The following ADAM32 variants were observed in gnomAD, a reference collection of about 807,000 sequenced individuals.
The protein encoded by ADAM32 is ADAM metallopeptidase domain 32.
A neutral mutation model predicts 114.9 loss-of-function variants in ADAM32; 89 were observed. That is an observed-to-expected ratio of 0.77 (90% confidence interval 0.65 to 0.92). The LOEUF (loss-of-function observed/expected upper bound fraction) is 0.92, where lower values mean the gene tolerates loss of function less well. Among genes scored for constraint, ADAM32 ranks in the 40% least tolerant of loss-of-function variants. The pLI, the probability that ADAM32 is intolerant of heterozygous loss-of-function variation, is 0.00. For missense variants in ADAM32, 870 were observed against 932.8 expected, an observed-to-expected ratio of 0.93 and a Z score of 0.88; for synonymous variants, 285 against 307.5, an observed-to-expected ratio of 0.93 and a Z score of 0.77.
chr8:39,212,279 G>T (rs1459272549), intron 12 of ADAM32, among the ~76,000 whole-genome samples: 3 of 152,098 alleles, frequency 2.0e-5, no homozygotes, highest in African/African-American at 4.8e-5. Flanking sequence ...CTCCCAAAGT[G>T]CTGGGATTGC....
chr8:39,218,831 A>G (rs1286592916), intron 12 of ADAM32, among the ~76,000 whole-genome samples: 1 of 151,840 alleles, frequency 6.6e-6, no homozygotes, highest in Non-Finnish European at 1.5e-5. Context: ...GAATAAGGGA[A>G]CCCAAGAGCC....
At chr8:39,139,981 T>C (rs1585383683) in intron 3 of ADAM32, among the ~76,000 whole-genome samples, 1 of 152,180 alleles carries the variant, frequency 6.6e-6, no homozygotes, top group East Asian at 1.9e-4. Flanking sequence ...TGTTTGTCTA[T>C]CATTGGTATA....
At chr8:39,279,586 A>G (rs1813301294) in intron 22 of ADAM32, among the ~76,000 whole-genome samples, 1 of 152,114 alleles carries the variant, frequency 6.6e-6, no homozygotes, top group Admixed American at 6.5e-5. Context: ...CCGGACTAGC[A>G]TCCATGTTTC....
chr8:39,257,800 T>C (rs1811747488), intron 19 of ADAM32, among the ~76,000 whole-genome samples: 1 of 152,142 alleles, frequency 6.6e-6, no homozygotes, highest in Non-Finnish European at 1.5e-5. Flanking sequence ...TACATTTTTA[T>C]TTTTCAAGAA....
intron 14 of ADAM32, among the ~76,000 whole-genome samples, chr8:39,227,098 A>G (rs1809430325): frequency 6.6e-6 from 1 of 152,136 alleles, no homozygotes; most frequent in African/African-American, 2.4e-5. Flanking sequence ...GCAAGAACAA[A>G]CCAACAATCC....
intron 11 of ADAM32, among the ~76,000 whole-genome samples, chr8:39,188,251 ATG>A (rs981813435): frequency 2.6e-5 from 4 of 152,152 alleles, no homozygotes; most frequent in African/African-American, 7.2e-5. Flanking sequence ...TCTGAAAGGA[ATG>A]TGTGTATATA....
chr8:39,181,184 C>G (rs920750404), intron 10 of ADAM32, among the ~76,000 whole-genome samples: 1 of 152,186 alleles, frequency 6.6e-6, no homozygotes, highest in African/African-American at 2.4e-5. Context: ...TGCAATAAAT[C>G]TTGCTACTGC....
chr8:39,164,052 G>A (rs900971157), intron 7 of ADAM32, among the ~76,000 whole-genome samples: 1 of 152,098 alleles, frequency 6.6e-6, no homozygotes, highest in Non-Finnish European at 1.5e-5. Flanking sequence ...GTATTACATA[G>A]GTAGCCTTCC....
At chr8:39,116,740 C>G (rs559466033) in intron 1 of ADAM32, among the ~76,000 whole-genome samples, 1 of 152,200 alleles carries the variant, frequency 6.6e-6, no homozygotes, top group East Asian at 1.9e-4. Flanking sequence ...CTTTCTCTTG[C>G]CTGATTGCTC....
intron 16 of ADAM32, 53 bp downstream of exon 16, chr8:39,234,135 C>T: frequency 8.5e-7 from 1 of 1,179,520 alleles, no homozygotes; most frequent in Non-Finnish European, 1.1e-6. Flanking sequence ...TTGTTTTCAT[C>T]TTTTTATTTA....
intron 3 of ADAM32, among the ~76,000 whole-genome samples, chr8:39,138,427 G>T (rs1029115573): frequency 2.6e-5 from 4 of 151,736 alleles, no homozygotes; most frequent in Middle Eastern, 6.8e-3. Context: ...TGCGGTGTTT[G>T]GTTTTCTGTC....
At chr8:39,124,015 T>C (rs542389334) in intron 2 of ADAM32, among the ~76,000 whole-genome samples, 1 of 152,134 alleles carries the variant, frequency 6.6e-6, no homozygotes, top group Admixed American at 6.5e-5. Flanking sequence ...CCTTCTTTTT[T>C]TTTTTTTCTT....
intron 1 of ADAM32, 172 bp downstream of exon 1, chr8:39,108,005 C>T (rs1735924058): frequency 1.2e-6 from 1 of 865,670 alleles, no homozygotes; most frequent in Non-Finnish European, 1.7e-6. Flanking sequence ...GACTCAGGGC[C>T]CAGCACCAGG....
At chr8:39,203,105 T>A (rs1053825836) in intron 11 of ADAM32, among the ~76,000 whole-genome samples, 2 of 152,218 alleles carry the variant, frequency 1.3e-5, no homozygotes, top group South Asian at 2.1e-4. Context: ...GCATGTATAT[T>A]CTGTTGATTT....
chr8:39,127,809 G>A (rs1415331057), intron 2 of ADAM32, among the ~76,000 whole-genome samples: 1 of 151,982 alleles, frequency 6.6e-6, no homozygotes, highest in African/African-American at 2.4e-5. Context: ...TTTGATGTGG[G>A]CATTTAGTGC....
intron 16 of ADAM32, among the ~76,000 whole-genome samples, chr8:39,245,810 T>G (rs1321059940): frequency 4.6e-5 from 7 of 152,234 alleles, no homozygotes; most frequent in Non-Finnish European, 1.5e-5. Flanking sequence ...ATTTAAACAC[T>G]GGGCTTTTTG....
chr8:39,157,846 C>T, intron 6 of ADAM32: 1 of 663,402 alleles, frequency 1.5e-6, no homozygotes, highest in Non-Finnish European at 2.6e-6. Context: ...ATCAATTTGC[C>T]ATCCTTGATG....
chr8:39,120,145 C>G (rs952703941), intron 2 of ADAM32, among the ~76,000 whole-genome samples: 1 of 152,196 alleles, frequency 6.6e-6, no homozygotes, highest in African/African-American at 2.4e-5. Context: ...GGTTAAGCCA[C>G]CTTGTCTGTG....
At chr8:39,252,097 C>T (rs1811345170) in intron 17 of ADAM32, among the ~76,000 whole-genome samples, 2 of 151,678 alleles carry the variant, frequency 1.3e-5, no homozygotes, top group African/African-American at 4.8e-5. Flanking sequence ...ATGCCAGTAC[C>T]ATGGTGATTT....
Sources: gnomAD v4.1 joint callset for allele counts (sites outside exome capture counted in the v4.1 genomes callset) on GRCh38, gnomAD v4.1.1 for gene constraint, MANE v1.5 for transcripts, NCBI Gene and HGNC (gene_info 2026-07-23, HGNC 2026-07-21) for gene names.